Variants in IMMP2L observed in about 807,000 individuals in gnomAD.
IMMP2L encodes the protein inner mitochondrial membrane peptidase subunit 2, also known as mitochondrial inner membrane protease subunit 2.
Under a neutral mutation model 19.3 loss-of-function variants are expected in IMMP2L, and 18 were observed. The ratio of observed to expected loss-of-function variants is 0.93; its 90% CI spans 0.64 to 1.38. IMMP2L has a LOEUF of 1.38. IMMP2L is among the 40% of genes most tolerant of loss of function. The probability of loss-of-function intolerance (pLI) is 0.00; values close to 1 mark genes in which losing one functional copy is unlikely to be tolerated. For missense variants in IMMP2L, 233 were observed against 218.2 expected (o/e 1.07, Z -0.43); for synonymous variants, 76 against 73.0 (o/e 1.04, Z -0.21).
At chr7:111,291,868 T>C (rs957985737) in intron 3 of IMMP2L, among the ~76,000 whole-genome samples, 14 of 152,158 alleles carry the variant, frequency 9.2e-5, no homozygotes, top group African/African-American at 3.1e-4. Context: ...CCCATAAATA[T>C]GTACAGTTAT....
chr7:110,785,384 A>T (rs538285842), intron 5 of IMMP2L, among the ~76,000 whole-genome samples: 1 of 152,090 alleles, frequency 6.6e-6, no homozygotes, highest in South Asian at 2.1e-4. Context: ...GCTGGATTTA[A>T]AAATGGTTCT....
intron 5 of IMMP2L, among the ~76,000 whole-genome samples, chr7:110,788,772 C>G (rs370260821): frequency 6.6e-6 from 1 of 151,692 alleles, no homozygotes; most frequent in Non-Finnish European, 1.5e-5. Flanking sequence ...AGAGGGCTGC[C>G]ACAATATTTC....
At chr7:110,750,234 T>C (rs2130914209) in intron 5 of IMMP2L, among the ~76,000 whole-genome samples, 1 of 149,822 alleles carries the variant, frequency 6.7e-6, no homozygotes, top group East Asian at 2.1e-4. Context: ...ATACACATAG[T>C]ACATAAGAAC....
intron 3 of IMMP2L, among the ~76,000 whole-genome samples, chr7:111,162,527 G>A (rs1462641198): frequency 6.6e-6 from 1 of 151,938 alleles, no homozygotes; most frequent in African/African-American, 2.4e-5. Flanking sequence ...CTCAGTTCAG[G>A]GAGGGCATAT....
At chr7:111,075,084 G>GGCTGTTAT (rs1795275441) in intron 3 of IMMP2L, among the ~76,000 whole-genome samples, 1 of 145,876 alleles carries the variant, frequency 6.9e-6, no homozygotes, top group African/African-American at 2.5e-5. Context: ...AAAAAAATTT[G>GGCTGTTAT]GCTGTTATAT....
At chr7:110,943,171 G>C (rs1032504784) in intron 4 of IMMP2L, among the ~76,000 whole-genome samples, 2 of 151,952 alleles carry the variant, frequency 1.3e-5, no homozygotes, top group African/African-American at 4.8e-5. Flanking sequence ...CAGCAATGCT[G>C]GCATGACTAC....
Position 110,758,195 on chromosome 7 carries a change from T to C in IMMP2L, c.409-94474A>G, listed in dbSNP as rs1237948741. 6.6e-6 allele frequency among the ~76,000 whole-genome samples: 1 copy of C among 152,042 alleles called. No individual in the cohort carries two copies. The highest frequency in any genetic ancestry group is 1.5e-5 in the Non-Finnish European group (1 of 68,012). ...TGAAGTTAGCCTCTTGGAGTCATTA[T>C]TAACACTGAGAAGACTGGTTTCTGT... On this transcript the variant is annotated intron_variant, in intron 5 of 5. Coordinates refer to ENST00000405709, the MANE Select transcript of IMMP2L (RefSeq NM_032549.4). This position sits in a 1 kb window ranked among gnomAD's most constrained non-coding sequence, Gnocchi z 4.6.
chr7:111,125,722 A>C (rs1801224979), intron 3 of IMMP2L, among the ~76,000 whole-genome samples: 2 of 151,544 alleles, frequency 1.3e-5, no homozygotes, highest in Non-Finnish European at 2.9e-5. Context: ...TTTGGAGTAG[A>C]TTAAATTATT....
At chr7:110,775,146 C>T (rs1562967779) in intron 5 of IMMP2L, among the ~76,000 whole-genome samples, 1 of 151,810 alleles carries the variant, frequency 6.6e-6, no homozygotes, top group Non-Finnish European at 1.5e-5. Context: ...AAATACATTA[C>T]CATCCCAAGA....
chr7:111,109,295 G>A (rs753771612), intron 3 of IMMP2L, among the ~76,000 whole-genome samples: 5 of 151,308 alleles, frequency 3.3e-5, no homozygotes, highest in South Asian at 2.1e-4. Context: ...AAGGTATGAC[G>A]GAGGCACATC....
chr7:111,465,436 G>A (rs1024330523), intron 3 of IMMP2L, among the ~76,000 whole-genome samples: 4 of 141,428 alleles, frequency 2.8e-5, no homozygotes, highest in Non-Finnish European at 4.5e-5. Context: ...CAAAATATGT[G>A]TACTTAGTTT....
intron 4 of IMMP2L, among the ~76,000 whole-genome samples, chr7:110,959,117 C>T (rs1427538256): frequency 6.6e-6 from 1 of 151,944 alleles, no homozygotes; most frequent in Non-Finnish European, 1.5e-5. Flanking sequence ...GGGGTCTAAC[C>T]TCAAATACTA....
chr7:111,251,407 T>C (rs1043027347), intron 3 of IMMP2L, among the ~76,000 whole-genome samples: 1 of 152,156 alleles, frequency 6.6e-6, no homozygotes, highest in Non-Finnish European at 1.5e-5. Context: ...ACTGGGTATA[T>C]ACCCAAAGGA....
chr7:110,848,089 T>C (rs1194851631), intron 5 of IMMP2L, among the ~76,000 whole-genome samples: 1 of 152,132 alleles, frequency 6.6e-6, no homozygotes, highest in Non-Finnish European at 1.5e-5. Context: ...AAACTTCTGC[T>C]CTGTGAAAGA....
At chr7:110,934,691 T>C (rs1211341556) in intron 4 of IMMP2L, among the ~76,000 whole-genome samples, 1 of 152,242 alleles carries the variant, frequency 6.6e-6, no homozygotes, top group Non-Finnish European at 1.5e-5. Context: ...CTGTATTGCA[T>C]GCATATAAAT....
chr7:111,501,504 T>A (rs1347674932), intron 2 of IMMP2L, among the ~76,000 whole-genome samples: 1 of 151,884 alleles, frequency 6.6e-6, no homozygotes, highest in Non-Finnish European at 1.5e-5. Context: ...GAAGAGCAAC[T>A]CCAAGACACA....
At chr7:111,399,208 A>G (rs150691535) in intron 3 of IMMP2L, among the ~76,000 whole-genome samples, 1,611 of 152,288 alleles carry the variant, frequency 0.011, 33 homozygotes, top group African/African-American at 0.036. Context: ...ATCTGGAGGC[A>G]TCACACTACC....
chr7:111,304,667 A>G (rs903508979), intron 3 of IMMP2L, among the ~76,000 whole-genome samples: 10 of 107,046 alleles, frequency 9.3e-5, no homozygotes, highest in African/African-American at 3.4e-4. Context: ...ATACACATAT[A>G]TAATGTGTGT....
intron 2 of IMMP2L, among the ~76,000 whole-genome samples, chr7:111,500,474 A>G (rs201078821): frequency 1.3e-5 from 2 of 152,158 alleles, no homozygotes; most frequent in South Asian, 4.1e-4. Context: ...CTCCCAGCAC[A>G]CAGCTGGAGA....
Sources: allele counts gnomAD v4.1 joint callset (sites outside exome capture counted in the v4.1 genomes callset), GRCh38; gene constraint gnomAD v4.1.1; non-coding constraint Gnocchi (gnomAD v3.1); transcripts MANE v1.5; gene names NCBI Gene and HGNC (gene_info 2026-07-23, HGNC 2026-07-21).